TTBK2: variants seen among roughly 807,000 people sequenced by gnomAD.
TTBK2 encodes the protein tau-tubulin kinase 2.
A neutral mutation model predicts 110.8 loss-of-function variants in TTBK2; 28 were observed. The ratio of observed to expected loss-of-function variants is 0.25; its 90% CI spans 0.19 to 0.35. The LOEUF is 0.35. Among genes scored for constraint, TTBK2 ranks in the 10% least tolerant of loss-of-function variants. The pLI, the probability that TTBK2 is intolerant of heterozygous loss-of-function variation, is 1.00. For synonymous variants in TTBK2, 532 were observed against 527.3 expected, an observed-to-expected ratio of 1.01 and a Z score of -0.12; for missense variants, 1,369 against 1,500.3, an observed-to-expected ratio of 0.91 and a Z score of 1.45.
At position 42,744,608 on chromosome 15, in the gene TTBK2, T is replaced by C. The variant is rs1314350025; in HGVS notation, c.*1187A>G. 2 of 152,144 alleles carry C rather than the reference T, an allele frequency of 1.3e-5. 1 individual carries two copies. Among genetic ancestry groups the C allele is most frequent in the Admixed American group, 1.3e-4 (2 of 15,278 alleles). 9.4% of individuals were successfully genotyped at this position (152,144 alleles called of 1,614,324 possible). A position where few individuals can be genotyped will look rare whatever the true frequency, so the allele number is the denominator to read the frequency against. The stretch of plus-strand genomic sequence containing the variant: ...TTTACAGCTTCGTAAATTGAGATTG[T>C]ATGAAAATCAGGCCAAGAAGCCCAA... On this transcript the variant is annotated 3_prime_UTR_variant, in exon 15 of 15. Transcript: ENST00000267890.
chr15:42,800,914 C>G, intron 9 of TTBK2: 1 of 678,118 alleles, frequency 1.5e-6, no homozygotes, highest in Non-Finnish European at 2.7e-6. Context: ...ACAGTGGCCT[C>G]CCTCCTAGGC....
intron 1 of TTBK2, among the ~76,000 whole-genome samples, chr15:42,909,216 A>G (rs900872480): frequency 6.6e-6 from 1 of 152,148 alleles, no homozygotes; most frequent in Non-Finnish European, 1.5e-5. Context: ...ATTCTTACAC[A>G]CTACAGTCTC....
intron 3 of TTBK2, among the ~76,000 whole-genome samples, chr15:42,872,370 C>G (rs781605327): frequency 4.6e-5 from 7 of 152,178 alleles, no homozygotes; most frequent in Non-Finnish European, 7.3e-5. Flanking sequence ...AATTCACACT[C>G]TCTTATCCTT....
rs1385245700 is a variant in TTBK2 at position 42,810,535 on chromosome 15, C to T, written c.822+79G>A. The T allele has an allele frequency of 2.5e-6, 4 of 1,576,134 alleles. No homozygotes were observed. The African/African-American group carries it at 4.1e-5, about 16-fold the overall frequency. On this transcript the variant is annotated intron_variant, in intron 9 of 14. Transcript: ENST00000267890. ...AAGGACCTCCCCTACTCATTTATAA[C>T]ACCTTCAAAGCTACAATGAGTGAAA...
In TTBK2 at chr15:42,752,773, C is replaced by T. The variant is rs1424137390; in HGVS notation, c.2473G>A (p.Val825Met). Residue 825 changes from valine (V) to methionine (M), a missense_variant, in exon 14 of 15, where the codon GTG becomes ATG. This residue lies in a region of TTBK2 where 1,097 missense variants were observed against 1,114.7 expected (regional missense o/e 0.98). Coordinates refer to ENST00000267890, the MANE Select transcript of TTBK2 (RefSeq NM_173500.4). Reference sequence around the variant, plus strand: ...ACACTAAAAGTCTGTGTTTTTGTCACATCAAGAGGTTCAGTAGTAGCTGAG... The same window carrying T: ...ACACTAAAAGTCTGTGTTTTTGTCATATCAAGAGGTTCAGTAGTAGCTGAG... ...DHSATTEPLD[V>M]TKTQTFSVVP... 2 of 1,614,206 alleles carry T rather than the reference C, an allele frequency of 1.2e-6. No homozygotes were observed. The highest frequency in any genetic ancestry group is 3.3e-5 in the Admixed American group (2 of 60,022).
chr15:42,869,833 G>T (rs193103513), intron 3 of TTBK2, among the ~76,000 whole-genome samples: 10 of 152,256 alleles, frequency 6.6e-5, no homozygotes, highest in Non-Finnish European at 1.2e-4. Flanking sequence ...AGATAATTTA[G>T]TTTATAAGTA....
chr15:42,861,359 C>T (rs955147892), intron 3 of TTBK2, among the ~76,000 whole-genome samples: 7 of 152,160 alleles, frequency 4.6e-5, no homozygotes, highest in Non-Finnish European at 8.8e-5. Flanking sequence ...CTAGGTCATA[C>T]AGCAAGTCTC....
chr15:42,896,186 G>T (rs1895659439), intron 1 of TTBK2, among the ~76,000 whole-genome samples: 1 of 151,916 alleles, frequency 6.6e-6, no homozygotes, highest in South Asian at 2.1e-4. Context: ...AAATTAGCTG[G>T]GTATGGTGGC....
At chr15:42,785,114 G>C (rs1890350005) in intron 10 of TTBK2, among the ~76,000 whole-genome samples, 1 of 122,686 alleles carries the variant, frequency 8.2e-6, no homozygotes, top group Non-Finnish European at 1.6e-5. Context: ...TTCACTTGCA[G>C]ATTTTTTTTT....
chr15:42,810,241 AAAG>A (rs1269746776), intron 9 of TTBK2, among the ~76,000 whole-genome samples: 1 of 152,184 alleles, frequency 6.6e-6, no homozygotes, highest in East Asian at 1.9e-4. Context: ...ATGCTGCCCT[AAAG>A]CCCTTGACAG....
chr15:42,811,587 A>AT, intron 8 of TTBK2, 101 bp downstream of exon 8: 1 of 893,924 alleles, frequency 1.1e-6, no homozygotes, highest in South Asian at 1.4e-5. Flanking sequence ...ATGCTTGTAG[A>AT]TTTTAAGTCT....
Position 42,833,371 on chromosome 15 carries a change from T to C in TTBK2, c.292-3293A>G, listed in dbSNP as rs140497944. ...ATAAAAATGCAAGTGAATTGCTAAATTGAAGACATGAAACATACCCAAAAG... is the reference window on the plus strand; with the variant it reads ...ATAAAAATGCAAGTGAATTGCTAAACTGAAGACATGAAACATACCCAAAAG... On this transcript the variant is annotated intron_variant, in intron 4 of 14. Transcript: ENST00000267890. Among the ~76,000 whole-genome samples the C allele has an allele frequency of 4.8e-3, 722 of 151,882 alleles. 12 individuals carry two copies. The highest frequency in any genetic ancestry group is 0.016 in the African/African-American group (680 of 41,426).
intron 4 of TTBK2, among the ~76,000 whole-genome samples, chr15:42,833,574 A>G (rs989545264): frequency 2.6e-4 from 40 of 152,158 alleles, no homozygotes; most frequent in African/African-American, 8.4e-4. Context: ...TTTCATCTAT[A>G]TACATTAAAA....
At chr15:42,766,091 G>A (rs372369218) in intron 13 of TTBK2, among the ~76,000 whole-genome samples, 2 of 152,166 alleles carry the variant, frequency 1.3e-5, no homozygotes, top group South Asian at 2.1e-4. Context: ...TCACCTCCAG[G>A]CCTGCCTTAC....
At chr15:42,910,270 A>C (rs1394824123) in intron 1 of TTBK2, among the ~76,000 whole-genome samples, 2 of 147,890 alleles carry the variant, frequency 1.4e-5, no homozygotes, top group Non-Finnish European at 3.0e-5. Flanking sequence ...CTACACAATA[A>C]AAAAAAAAAA....
chr15:42,771,831 G>A (rs1052501993), intron 13 of TTBK2, among the ~76,000 whole-genome samples: 3 of 152,142 alleles, frequency 2.0e-5, no homozygotes, highest in African/African-American at 4.8e-5. Flanking sequence ...ACTGGTGTAA[G>A]GTGTAATCTC....
chr15:42,785,048 G>A (rs761042760), intron 10 of TTBK2, among the ~76,000 whole-genome samples: 1 of 151,710 alleles, frequency 6.6e-6, no homozygotes, highest in Admixed American at 6.6e-5. Flanking sequence ...GAAATAAACA[G>A]GTGTCAGATC....
intron 3 of TTBK2, among the ~76,000 whole-genome samples, chr15:42,866,494 A>T (rs1894378351): frequency 6.6e-6 from 1 of 152,182 alleles, no homozygotes; most frequent in Non-Finnish European, 1.5e-5. Flanking sequence ...CTTCTATCAG[A>T]AATGAACAGA....
At chr15:42,866,798 C>T (rs1894387486) in intron 3 of TTBK2, among the ~76,000 whole-genome samples, 1 of 152,124 alleles carries the variant, frequency 6.6e-6, no homozygotes, top group African/African-American at 2.4e-5. Flanking sequence ...GAGATTAATA[C>T]AATGCACTTC....
Sources: gnomAD v4.1 joint callset for allele counts (sites outside exome capture counted in the v4.1 genomes callset) on GRCh38, gnomAD v4.1.1 for gene constraint, gnomAD v4.1.1 regional missense constraint, MANE v1.5 for transcripts, NCBI Gene and HGNC (gene_info 2026-07-23, HGNC 2026-07-21) for gene names.